The following KCNC4 variants were observed in gnomAD, a reference collection of about 807,000 sequenced individuals.
The protein encoded by KCNC4 is potassium voltage-gated channel subfamily C member 4.
Under a neutral mutation model 42.8 loss-of-function variants are expected in KCNC4, and 23 were observed. The ratio of observed to expected loss-of-function variants is 0.54; its 90% CI spans 0.39 to 0.76. KCNC4 has a LOEUF of 0.76. Ranked by LOEUF, KCNC4 falls within the 30% of genes least tolerant of loss-of-function variation. The probability of loss-of-function intolerance (pLI) is 0.00; values close to 1 mark genes in which losing one functional copy is unlikely to be tolerated. For missense variants in KCNC4, 751 were observed against 898.2 expected, an observed-to-expected ratio of 0.84 and a Z score of 2.10; for synonymous variants, 422 against 393.5, an observed-to-expected ratio of 1.07 and a Z score of -0.86.
chr1:110,268,390 G>A (rs1659580363), intron 1 of KCNC4, among the ~76,000 whole-genome samples: 1 of 152,080 alleles, frequency 6.6e-6, no homozygotes, highest in Non-Finnish European at 1.5e-5. Context: ...GGCAGATCAC[G>A]AGGTCAGGAG....
chr1:110,226,837 C>T lies in KCNC4; in HGVS notation c.1819+659C>T, dbSNP rs146132614. ...AGGGAGCAGCCCATCCTCTGCTTGTCGGAAAAGGCTGAAATTCCATCCCCA... is the reference window on the plus strand; with the variant it reads ...AGGGAGCAGCCCATCCTCTGCTTGTTGGAAAAGGCTGAAATTCCATCCCCA... On this transcript the variant is annotated intron_variant, in intron 3 of 3. Transcript: ENST00000438661. Among the ~76,000 whole-genome samples the T allele has an allele frequency of 2.9e-3, 439 of 152,300 alleles. 1 individual carries two copies. The highest frequency in any genetic ancestry group is 0.01 in the African/African-American group (419 of 41,568).
chr1:110,222,675 CAGAG>C, intron 1 of KCNC4: 2 of 395,644 alleles, frequency 5.1e-6, no homozygotes, highest in Non-Finnish European at 9.3e-6. Flanking sequence ...CAGAGGTGGG[CAGAG>C]CTATCAAAGG....
chr1:110,252,378 T>A (rs78078148), downstream of KCNC4, among the ~76,000 whole-genome samples: 8,401 of 152,308 alleles, frequency 0.055, 440 homozygotes, highest in African/African-American at 0.12. Context: ...AGCTGTTAAA[T>A]TGGTCATTTG....
intron 1 of KCNC4, among the ~76,000 whole-genome samples, chr1:110,267,021 T>C (rs1187946658): frequency 3.3e-5 from 5 of 152,212 alleles, no homozygotes; most frequent in Non-Finnish European, 7.3e-5. Context: ...CCCAGAGGTC[T>C]TGTAGCTTCC....
chr1:110,212,242 T>TAGGGGCCGGGAGGAGC, intron 1 of KCNC4, 65 bp downstream of exon 1: 1 of 1,361,584 alleles, frequency 7.3e-7, no homozygotes, highest in Non-Finnish European at 9.4e-7. Flanking sequence ...GGGTGGTGGG[T>TAGGGGCCGGGAGGAGC]AGGGGCCGGG....
Position 110,269,617 on chromosome 1 carries a change from T to G in KCNC4, n.31-12917T>G, listed in dbSNP as rs932391106. Among the ~76,000 whole-genome samples the G allele has an allele frequency of 2.0e-5, 3 of 152,230 alleles. No homozygotes were observed. The South Asian group carries it at 6.2e-4, about 31-fold the overall frequency. Reference sequence around the variant, plus strand: ...AGCTGCTATAAACATTCATGTAGAATTTTTATGTGAACATATGTTTTCATT... The same window carrying G: ...AGCTGCTATAAACATTCATGTAGAAGTTTTATGTGAACATATGTTTTCATT... On this transcript the variant is annotated intron_variant and non_coding_transcript_variant, in intron 1 of 2. Transcript: ENST00000412512.
At chr1:110,270,441 G>A (rs959432889) in intron 1 of KCNC4, among the ~76,000 whole-genome samples, 2 of 152,200 alleles carry the variant, frequency 1.3e-5, no homozygotes, top group African/African-American at 2.4e-5. Context: ...CAAAGCTAAG[G>A]AGTTGGATGA....
chr1:110,211,755 A>G lies in KCNC4; in HGVS notation c.256A>G (p.Ser86Gly), dbSNP rs1657470988. 1.2e-6 allele frequency: 2 copies of G among 1,609,518 alleles called. No homozygotes were observed. The highest frequency in any genetic ancestry group is 1.7e-6 in the Non-Finnish European group (2 of 1,178,912). Residue 86 changes from serine (S) to glycine (G), a missense_variant, in exon 1 of 4, where the codon AGC becomes GGC. Ser to Gly is a moderately conservative substitution (Grantham distance 56, BLOSUM62 0). Coordinates refer to ENST00000438661, the MANE Select transcript of KCNC4 (RefSeq NM_001039574.3). The surrounding 1 kb of genome is among the most constrained non-coding windows in gnomAD (Gnocchi z 6.5). ...TGGCGGCGGTGTGGGTAGCAGCGGC[A>G]GCAGCGGCGGCGGGGGCTGCGAGTT... ...TDGGGVGSSG[S>G]SGGGGCEFFF...
At chr1:110,232,224 C>G (rs147820096) in intron 3 of KCNC4, 1 of 1,613,876 alleles carries the variant, frequency 6.2e-7, no homozygotes, top group Non-Finnish European at 8.5e-7. Context: ...GAGACAGGCA[C>G]ATTCGTCCTC....
chr1:110,224,031 A>G (rs1557859201), intron 2 of KCNC4, 131 bp downstream of exon 2: 1 of 758,452 alleles, frequency 1.3e-6, no homozygotes, highest in Non-Finnish European at 2.1e-6. Flanking sequence ...ATGTGCCTTT[A>G]TGAGGGCAAA....
chr1:110,272,056 T>C (rs1341250052), intron 1 of KCNC4, among the ~76,000 whole-genome samples: 1 of 152,184 alleles, frequency 6.6e-6, no homozygotes, highest in Non-Finnish European at 1.5e-5. Flanking sequence ...AACATAGTAA[T>C]TTTGTTCTGG....
downstream of KCNC4, among the ~76,000 whole-genome samples, chr1:110,251,734 C>T (rs1197746707): frequency 2.6e-5 from 4 of 152,176 alleles, no homozygotes; most frequent in Non-Finnish European, 1.5e-5. Context: ...AACATTAACT[C>T]GAATGGTCCT....
chr1:110,279,385 G>C (rs1407958975), intron 1 of KCNC4, among the ~76,000 whole-genome samples: 1 of 152,148 alleles, frequency 6.6e-6, no homozygotes, highest in Non-Finnish European at 1.5e-5. Context: ...GTTCCTTGCG[G>C]GCAAGGGCAA....
intron 1 of KCNC4, among the ~76,000 whole-genome samples, chr1:110,215,318 G>C (rs1327867339): frequency 6.6e-6 from 1 of 152,218 alleles, no homozygotes; most frequent in Non-Finnish European, 1.5e-5. Flanking sequence ...TCTGTGGCCT[G>C]AGCTGGGAAC....
chr1:110,251,222 C>T (rs1659244710), downstream of KCNC4, among the ~76,000 whole-genome samples: 1 of 152,150 alleles, frequency 6.6e-6, no homozygotes, highest in African/African-American at 2.4e-5. Flanking sequence ...AGGCCACGAA[C>T]GTTGTTATGG....
rs1402536466 is a variant in KCNC4, at chr1:110,225,863, G to A, written c.1616-112G>A. 4 of 1,012,572 alleles carry A rather than the reference G, an allele frequency of 4.0e-6. No homozygotes were observed. In the African/African-American group the frequency reaches 4.8e-5, roughly 12 times the overall value. 62.7% of individuals were successfully genotyped at this position (1,012,572 alleles called of 1,614,324 possible). On this transcript the variant is annotated intron_variant, in intron 2 of 3. Transcript: ENST00000438661. ...ATGCTGCCTCTCAGGTAGATGCTAG[G>A]CCCCTCCCAAGGTTGAGGAAGTAAC...
At chr1:110,269,610 T>A (rs922464888) in intron 1 of KCNC4, among the ~76,000 whole-genome samples, 1 of 152,250 alleles carries the variant, frequency 6.6e-6, no homozygotes, top group African/African-American at 2.4e-5. Context: ...TAAACATTCA[T>A]GTAGAATTTT....
At chr1:110,214,641 G>A (rs888904625) in intron 1 of KCNC4, among the ~76,000 whole-genome samples, 1 of 152,236 alleles carries the variant, frequency 6.6e-6, no homozygotes, top group Admixed American at 6.5e-5. Context: ...CACACAGCCA[G>A]ATAGTGGCCA....
chr1:110,264,795 G>C lies in KCNC4; in HGVS notation n.31-17739G>C, dbSNP rs186453409. On this transcript the variant is annotated intron_variant and non_coding_transcript_variant, in intron 1 of 2. Coordinates refer to the KCNC4 transcript ENST00000412512. Reference sequence around the variant, plus strand: ...GAAGGAGGGGGAGAAAGAAGGGAGAGAGCTGGCTGGGCGCAGTGGCTCATG... The same window carrying C: ...GAAGGAGGGGGAGAAAGAAGGGAGACAGCTGGCTGGGCGCAGTGGCTCATG... Among the ~76,000 whole-genome samples, 269 of 152,252 alleles carry C rather than the reference G, an allele frequency of 1.8e-3. 1 individual carries two copies. Among genetic ancestry groups the C allele is most frequent in the Non-Finnish European group, 2.4e-3 (163 of 68,006 alleles).
Sources: allele counts gnomAD v4.1 joint callset (sites outside exome capture counted in the v4.1 genomes callset), GRCh38; gene constraint gnomAD v4.1.1; non-coding constraint Gnocchi (gnomAD v3.1); transcripts MANE v1.5; gene names NCBI Gene and HGNC (gene_info 2026-07-23, HGNC 2026-07-21).